The following ANKRD17 variants were observed in gnomAD, a reference collection of about 807,000 sequenced individuals.
The protein encoded by ANKRD17 is ankyrin repeat domain 17, also known as ankyrin repeat domain-containing protein 17.
Under a neutral mutation model 229.7 loss-of-function variants are expected in ANKRD17, and 19 were observed. The ratio of observed to expected loss-of-function variants is 0.08; its 90% CI spans 0.06 to 0.12. The LOEUF is 0.12. Ranked by LOEUF, ANKRD17 falls within the 10% of genes least tolerant of loss-of-function variation. The pLI is 1.00. For missense variants in ANKRD17, 2,176 were observed against 3,176.8 expected, an observed-to-expected ratio of 0.68 and a Z score of 7.57; for synonymous variants, 1,112 against 1,146.1, an observed-to-expected ratio of 0.97 and a Z score of 0.60.
chr4:73,150,429 A>G (rs886564104), intron 7 of ANKRD17, among the ~76,000 whole-genome samples: 33 of 152,204 alleles, frequency 2.2e-4, no homozygotes, highest in African/African-American at 7.2e-4. Flanking sequence ...TACTGTTAAT[A>G]CTATTAATGT....
intron 1 of ANKRD17, among the ~76,000 whole-genome samples, chr4:73,193,207 C>T (rs1372447870): frequency 3.9e-5 from 6 of 152,130 alleles, no homozygotes; most frequent in Non-Finnish European, 8.8e-5. Context: ...ACACATAATG[C>T]TTGTGAGATT....
chr4:73,166,104 A>T (rs574305269), intron 2 of ANKRD17, among the ~76,000 whole-genome samples: 3 of 152,342 alleles, frequency 2.0e-5, no homozygotes, highest in Admixed American at 2.0e-4. Context: ...TTATGCTGCA[A>T]TAGAAAACTA....
chr4:73,154,114 C>A lies in ANKRD17; in HGVS notation c.1001-1G>T. 6.5e-7 allele frequency: 1 copy of A among 1,534,486 alleles called. No individual in the cohort carries two copies. The highest frequency in any genetic ancestry group is 1.3e-5 in the South Asian group (1 of 76,538). On this transcript the variant is annotated splice_acceptor_variant, in intron 5 of 33. Coordinates refer to ENST00000358602, the MANE Select transcript of ANKRD17 (RefSeq NM_032217.5). LOFTEE classifies it high-confidence loss of function. ...CAAGCATATGTAAGTGCTGTATTGC[C>A]TATTTTAATTAGGAAAAATAAAAAG...
At chr4:73,208,380 G>C (rs1226299567) in intron 1 of ANKRD17, among the ~76,000 whole-genome samples, 1 of 152,060 alleles carries the variant, frequency 6.6e-6, no homozygotes, top group Non-Finnish European at 1.5e-5. Flanking sequence ...TAAGAGTACA[G>C]TACATTCTCT....
Position 73,258,775 on chromosome 4 carries a change from G to A in ANKRD17, c.-107C>T, listed in dbSNP as rs1159402732. 5.6e-6 allele frequency: 7 copies of A among 1,247,950 alleles called. No individual in the cohort carries two copies. Among genetic ancestry groups the A allele is most frequent in the Admixed American group, 9.1e-5 (2 of 22,012 alleles). The allele number at this position is 1,247,950 out of a possible 1,614,324, so 77.3% of individuals were successfully genotyped here. On this transcript the variant is annotated 5_prime_UTR_variant, in exon 1 of 34. Coordinates refer to ENST00000358602, the MANE Select transcript of ANKRD17 (RefSeq NM_032217.5). ...CACAGCAATCGGTGCCGCCTCCGCC[G>A]CCACCGCCTCGGTCACCTCTACTGC... is the stretch of plus-strand genomic sequence containing the variant.
chr4:73,139,664 T>C lies in ANKRD17; in HGVS notation c.2952A>G (p.Ile984Met), dbSNP rs747868996. 3.1e-6 allele frequency: 5 copies of C among 1,614,016 alleles called. No individual in the cohort carries two copies. The Admixed American group carries it at 6.7e-5, about 22-fold the overall frequency. The change falls in exon 15 of 34, where the codon ATA becomes ATG. Residue 984 changes from isoleucine to methionine, a missense_variant. Transcript: ENST00000358602. ...CTTGGCCCAGTACTGGCTGTCCAACTATCACTCCTTGCAGTTCTGTAAGAT... is the reference window on the plus strand; with the variant it reads ...CTTGGCCCAGTACTGGCTGTCCAACCATCACTCCTTGCAGTTCTGTAAGAT... ...IANLTELQGV[I>M]VGQPVLGQAQ...
At chr4:73,229,382 AAT>A (rs1167352662) in intron 1 of ANKRD17, among the ~76,000 whole-genome samples, 4 of 152,148 alleles carry the variant, frequency 2.6e-5, no homozygotes, top group Non-Finnish European at 5.9e-5. Flanking sequence ...CTTCCCTACA[AAT>A]ATAAAGTGTT....
intron 26 of ANKRD17, among the ~76,000 whole-genome samples, chr4:73,097,862 A>C (rs541320239): frequency 7.3e-4 from 111 of 152,272 alleles, no homozygotes; most frequent in African/African-American, 2.5e-3. Flanking sequence ...ACCAAAAAAA[A>C]AAGAAATTAC....
intron 16 of ANKRD17, among the ~76,000 whole-genome samples, chr4:73,134,460 T>C (rs1366717324): frequency 6.6e-6 from 1 of 152,194 alleles, no homozygotes; most frequent in Admixed American, 6.5e-5. Flanking sequence ...TTCTTCAGGA[T>C]AAAACACGCA....
chr4:73,119,920 C>T (rs892679703), intron 21 of ANKRD17, among the ~76,000 whole-genome samples: 49 of 151,868 alleles, frequency 3.2e-4, no homozygotes, highest in African/African-American at 6.8e-4. Flanking sequence ...TTATTGTAGA[C>T]GTTAAAAGTA....
chr4:73,144,643 A>G (rs543239195), intron 11 of ANKRD17, 102 bp downstream of exon 11: 3 of 633,018 alleles, frequency 4.7e-6, no homozygotes, highest in East Asian at 6.2e-5. Context: ...CCCTCCTCAT[A>G]TGATACCCTC....
At chr4:73,242,027 C>T (rs1744087660) in intron 1 of ANKRD17, among the ~76,000 whole-genome samples, 1 of 152,062 alleles carries the variant, frequency 6.6e-6, no homozygotes, top group Non-Finnish European at 1.5e-5. Context: ...TAAAAGATAT[C>T]TGCATTATAC....
intron 1 of ANKRD17, among the ~76,000 whole-genome samples, chr4:73,192,259 C>T (rs1410021292): frequency 6.6e-6 from 1 of 151,866 alleles, no homozygotes; most frequent in Non-Finnish European, 1.5e-5. Flanking sequence ...TAAACATTAA[C>T]TACTTAAAAA....
intron 2 of ANKRD17, among the ~76,000 whole-genome samples, chr4:73,170,877 T>A (rs1733900967): frequency 6.6e-6 from 1 of 152,108 alleles, no homozygotes; most frequent in Non-Finnish European, 1.5e-5. Context: ...TTAGATAGAT[T>A]TCTAAGGTTT....
intron 1 of ANKRD17, among the ~76,000 whole-genome samples, chr4:73,185,145 C>CT (rs1383652884): frequency 1.3e-5 from 2 of 151,774 alleles, no homozygotes; most frequent in African/African-American, 4.8e-5. Flanking sequence ...ACATTCAACA[C>CT]TAACCCCATC....
At chr4:73,213,104 C>G (rs1740535752) in intron 1 of ANKRD17, among the ~76,000 whole-genome samples, 1 of 150,522 alleles carries the variant, frequency 6.6e-6, no homozygotes, top group African/African-American at 2.4e-5. Flanking sequence ...ATATATAATT[C>G]AAAGCCAAAT....
chr4:73,202,388 T>A (rs1209968770), intron 1 of ANKRD17, among the ~76,000 whole-genome samples: 1 of 117,208 alleles, frequency 8.5e-6, no homozygotes, highest in Non-Finnish European at 1.7e-5. Context: ...GAGAAAAAGA[T>A]CAGAGTTTAG....
At chr4:73,151,312 T>C (rs1730979664) in intron 7 of ANKRD17, 118 bp downstream of exon 7, 4 of 838,324 alleles carry the variant, frequency 4.8e-6, no homozygotes, top group South Asian at 3.5e-5. Flanking sequence ...GTACAACTGA[T>C]TCAATAAGGT....
chr4:73,233,684 A>G (rs1743262268), intron 1 of ANKRD17, among the ~76,000 whole-genome samples: 1 of 152,150 alleles, frequency 6.6e-6, no homozygotes. Flanking sequence ...TGTATCTCAA[A>G]TATGTTCATA....
Sources: allele counts gnomAD v4.1 joint callset (sites outside exome capture counted in the v4.1 genomes callset), GRCh38; gene constraint gnomAD v4.1.1; transcripts MANE v1.5; gene names NCBI Gene and HGNC (gene_info 2026-07-23, HGNC 2026-07-21).